Variants in MATCAP2 observed in about 807,000 individuals in gnomAD.
The protein encoded by MATCAP2 is microtubule associated tyrosine carboxypeptidase 2.
chr7:36,383,329 T>C, the MATCAP2 span, among the ~76,000 whole-genome samples: 1 of 152,134 alleles, frequency 6.6e-6, no homozygotes, highest in Non-Finnish European at 1.5e-5. Flanking sequence ...ATCCAAAGGA[T>C]TATAAATCAT....
chr7:36,361,567 CTTTAAT>C, the MATCAP2 span, among the ~76,000 whole-genome samples: 1 of 152,104 alleles, frequency 6.6e-6, no homozygotes. Flanking sequence ...ACAAGATAAA[CTTTAAT>C]TTTATCAAGA....
chr7:36,345,236 T>A, the MATCAP2 span, among the ~76,000 whole-genome samples: 4 of 152,182 alleles, frequency 2.6e-5, no homozygotes, highest in African/African-American at 9.7e-5. Flanking sequence ...AAACCCATAT[T>A]TTTACTAAAT....
At chr7:36,357,538 T>C in the MATCAP2 span, 28 of 1,614,150 alleles carry the variant, frequency 1.7e-5, no homozygotes, top group Non-Finnish European at 2.4e-5. Flanking sequence ...ATGAATCTTC[T>C]GCATTTAGAA....
the MATCAP2 span, chr7:36,357,632 A>G: frequency 7.0e-7 from 1 of 1,435,992 alleles, no homozygotes; most frequent in Non-Finnish European, 9.5e-7. Flanking sequence ...AATAACAAAG[A>G]TACCAGATGA....
chr7:36,329,108 G>A, the MATCAP2 span, among the ~76,000 whole-genome samples: 1 of 151,742 alleles, frequency 6.6e-6, no homozygotes, highest in Non-Finnish European at 1.5e-5. Context: ...ATTTTATGAA[G>A]GTTTTTAAAG....
the MATCAP2 span, among the ~76,000 whole-genome samples, chr7:36,374,359 C>A: frequency 6.6e-6 from 1 of 151,966 alleles, no homozygotes; most frequent in East Asian, 1.9e-4. Context: ...GGATTATAGG[C>A]ATGATCTACT....
the MATCAP2 span, among the ~76,000 whole-genome samples, chr7:36,380,716 TA>T: frequency 8.5e-5 from 13 of 152,184 alleles, no homozygotes; most frequent in Non-Finnish European, 1.9e-4. Flanking sequence ...AGGTGATCTA[TA>T]AATTCTCTGA....
At chr7:36,384,069 T>A in the MATCAP2 span, 1 of 329,024 alleles carries the variant, frequency 3.0e-6, no homozygotes, top group Non-Finnish European at 5.3e-6. Flanking sequence ...TGTGTGTGAC[T>A]GTATTTTGAA....
the MATCAP2 span, among the ~76,000 whole-genome samples, chr7:36,386,447 A>ATGTGTGTG: frequency 0.25 from 37,021 of 148,394 alleles, 4,535 homozygotes; most frequent in Non-Finnish European, 0.29. Context: ...GTATGTGTGT[A>ATGTGTGTG]TGTGTGTGTG....
At chr7:36,386,417 T>C in the MATCAP2 span, among the ~76,000 whole-genome samples, 12 of 150,366 alleles carry the variant, frequency 8.0e-5, no homozygotes, top group Admixed American at 4.0e-4. Context: ...AAGGAAAATA[T>C]ATATGGTATA....
the MATCAP2 span, among the ~76,000 whole-genome samples, chr7:36,328,675 C>T: frequency 5.3e-5 from 8 of 151,818 alleles, no homozygotes; most frequent in Non-Finnish European, 1.0e-4. Flanking sequence ...ACCCAGGAGA[C>T]GGGAGGTTGC....
At chr7:36,326,594 A>AGTT in the MATCAP2 span, 3 of 455,590 alleles carry the variant, frequency 6.6e-6, no homozygotes, top group Non-Finnish European at 1.1e-5. Flanking sequence ...TTAGGGAAAT[A>AGTT]GTTTAAGATC....
chr7:36,344,382 A>C, the MATCAP2 span, among the ~76,000 whole-genome samples: 1 of 152,238 alleles, frequency 6.6e-6, no homozygotes, highest in African/African-American at 2.4e-5. Flanking sequence ...AATGTTTATG[A>C]TAAGTAAGTG....
chr7:36,372,493 A>G, the MATCAP2 span, among the ~76,000 whole-genome samples: 4 of 152,248 alleles, frequency 2.6e-5, no homozygotes, highest in Non-Finnish European at 4.4e-5. Flanking sequence ...GAAGCCAAAT[A>G]AAAGAATGCT....
At chr7:36,366,780 G>T in the MATCAP2 span, 1 of 1,534,388 alleles carries the variant, frequency 6.5e-7, no homozygotes. Flanking sequence ...CCTCCTGCGC[G>T]CCCCGAAGGG....
At chr7:36,357,949 A>T in the MATCAP2 span, among the ~76,000 whole-genome samples, 1 of 152,210 alleles carries the variant, frequency 6.6e-6, no homozygotes. Context: ...CTGTAATCCC[A>T]GCATTTTGGG....
chr7:36,330,946 G>T, the MATCAP2 span: 1,159,446 of 1,199,294 alleles, frequency 0.97, 561,047 homozygotes, highest in South Asian at 0.98. Flanking sequence ...GCTGATCTGG[G>T]GTGTTCGGGG....
the MATCAP2 span, among the ~76,000 whole-genome samples, chr7:36,330,406 T>TGAAA: frequency 6.6e-6 from 1 of 151,726 alleles, no homozygotes; most frequent in South Asian, 2.1e-4. Flanking sequence ...GCCCGAGTCT[T>TGAAA]AACAATGTCA....
the MATCAP2 span, chr7:36,367,210 G>A: frequency 9.4e-6 from 11 of 1,167,348 alleles, no homozygotes; most frequent in Admixed American, 4.6e-5. Context: ...CTGCCACCGT[G>A]ACGTAGCCGC....
Sources: gnomAD v4.1 joint callset for allele counts (sites outside exome capture counted in the v4.1 genomes callset) on GRCh38, gnomAD v4.1.1 for gene constraint, MANE v1.5 for transcripts, NCBI Gene and HGNC (gene_info 2026-07-23, HGNC 2026-07-21) for gene names.